Variants in SLIT1 observed in about 807,000 individuals in gnomAD.
SLIT1 encodes slit guidance ligand 1.
In SLIT1, 66 loss-of-function variants were observed where a neutral mutation model predicts 186.1. That is an observed-to-expected ratio of 0.35 (90% CI 0.29 to 0.44). The LOEUF (loss-of-function observed/expected upper bound fraction) is 0.44. Ranked by LOEUF, SLIT1 falls within the 20% of genes least tolerant of loss-of-function variation. The pLI is 1.00. For missense variants in SLIT1, 1,638 were observed against 2,037.4 expected, an observed-to-expected ratio of 0.80 and a Z score of 3.77; for synonymous variants, 761 against 833.8, an observed-to-expected ratio of 0.91 and a Z score of 1.50.
intron 25 of SLIT1, among the ~76,000 whole-genome samples, chr10:97,027,221 G>A (rs370569027): frequency 3.3e-5 from 5 of 152,284 alleles, no homozygotes; most frequent in African/African-American, 7.2e-5. Context: ...CACGAAGCCC[G>A]GAGTGAATGT....
intron 30 of SLIT1, 91 bp downstream of exon 30, chr10:97,013,650 G>A: frequency 1.1e-6 from 1 of 900,080 alleles, no homozygotes. Flanking sequence ...ACAAATGAGG[G>A]AATGAGGGTG....
intron 12 of SLIT1, 103 bp downstream of exon 12, chr10:97,057,103 CAATT>C: frequency 2.5e-6 from 2 of 806,990 alleles, no homozygotes; most frequent in Non-Finnish European, 4.1e-6. Context: ...CTCATTGTCT[CAATT>C]GAGTCCCATA....
At chr10:97,001,561 A>C (rs1589358603) in intron 36 of SLIT1, among the ~76,000 whole-genome samples, 1 of 152,024 alleles carries the variant, frequency 6.6e-6, no homozygotes, top group Admixed American at 6.5e-5. Context: ...TCCTAGCGTC[A>C]GGGCCCTCCA....
At chr10:97,161,757 A>G (rs1850029703) in intron 3 of SLIT1, among the ~76,000 whole-genome samples, 1 of 152,200 alleles carries the variant, frequency 6.6e-6, no homozygotes, top group Non-Finnish European at 1.5e-5. Context: ...CAGCCTGGGC[A>G]ACAAGAGTGA....
At chr10:97,128,067 GC>G (rs1423150085) in intron 4 of SLIT1, among the ~76,000 whole-genome samples, 1 of 152,054 alleles carries the variant, frequency 6.6e-6, no homozygotes, top group Non-Finnish European at 1.5e-5. Flanking sequence ...GCACCACCGA[GC>G]CCCCTGCTCT....
chr10:97,127,096 C>G (rs1849609614), intron 4 of SLIT1, among the ~76,000 whole-genome samples: 1 of 151,606 alleles, frequency 6.6e-6, no homozygotes, highest in Admixed American at 6.6e-5. Context: ...CGAGACCATC[C>G]TGGCTAACAT....
Position 97,086,826 on chromosome 10 carries a change from T to C in SLIT1, c.414-20740A>G, listed in dbSNP as rs114887951. Among the ~76,000 whole-genome samples the C allele has an allele frequency of 3.6e-3, 552 of 152,156 alleles. 4 individuals carry two copies. The highest frequency in any genetic ancestry group is 0.013 in the African/African-American group (521 of 41,490). ...ACCACTCTGTGTGATACTACAACAGTGTATCCATGTCATTAGACATTTGTC... is the reference window on the plus strand; with the variant it reads ...ACCACTCTGTGTGATACTACAACAGCGTATCCATGTCATTAGACATTTGTC... On this transcript the variant is annotated intron_variant, in intron 4 of 36. Coordinates refer to ENST00000266058, the MANE Select transcript of SLIT1 (RefSeq NM_003061.3).
chr10:97,062,708 G>C (rs971174688), intron 8 of SLIT1, among the ~76,000 whole-genome samples: 3 of 152,214 alleles, frequency 2.0e-5, no homozygotes, highest in Non-Finnish European at 4.4e-5. Context: ...ACAGCTGGGG[G>C]AGCTGCAGGC....
intron 4 of SLIT1, among the ~76,000 whole-genome samples, chr10:97,142,611 A>G (rs985502103): frequency 2.0e-5 from 3 of 152,252 alleles, no homozygotes; most frequent in Admixed American, 1.3e-4. Flanking sequence ...AAAGCAAAAT[A>G]GACAAATGAG....
At chr10:97,076,660 T>C (rs1458614093) in intron 4 of SLIT1, among the ~76,000 whole-genome samples, 1 of 152,204 alleles carries the variant, frequency 6.6e-6, no homozygotes. Context: ...CTGGAGAGCA[T>C]TCGATGATAA....
chr10:97,144,754 C>T (rs1006499161), intron 4 of SLIT1, among the ~76,000 whole-genome samples: 1 of 152,190 alleles, frequency 6.6e-6, no homozygotes, highest in African/African-American at 2.4e-5. Flanking sequence ...ACTTCTAGGA[C>T]AGCAAATTGT....
chr10:97,090,175 C>T (rs1164783287), intron 4 of SLIT1, among the ~76,000 whole-genome samples: 3 of 152,134 alleles, frequency 2.0e-5, no homozygotes, highest in Non-Finnish European at 4.4e-5. Flanking sequence ...AAAAACCACC[C>T]ACATGATTTC....
At chr10:97,060,355 G>C (rs1407302059) in intron 9 of SLIT1, among the ~76,000 whole-genome samples, 197 bp from the exon 10 acceptor site, 1 of 152,242 alleles carries the variant, frequency 6.6e-6, no homozygotes, top group Non-Finnish European at 1.5e-5. Flanking sequence ...CATTATCACA[G>C]GCATTTGTAG....
intron 1 of SLIT1, among the ~76,000 whole-genome samples, chr10:97,179,884 G>A (rs1359588671): frequency 6.6e-6 from 1 of 150,980 alleles, no homozygotes; most frequent in African/African-American, 2.4e-5. Flanking sequence ...TATTTGTATG[G>A]CGATAATTAC....
chr10:97,158,762 C>T lies in SLIT1; in HGVS notation c.342-873G>A, dbSNP rs546826970. Among the ~76,000 whole-genome samples, 5 of 151,786 alleles carry T rather than the reference C, an allele frequency of 3.3e-5. No homozygotes were observed. In the East Asian group the frequency reaches 7.7e-4, roughly 23 times the overall value. On this transcript the variant is annotated intron_variant, in intron 3 of 36. Transcript: ENST00000266058. Reference sequence around the variant, plus strand: ...AGGCATGATGGCATGCACCTGTAATCCCAGCAACTCGGGAGGCTGAGGTGG... The same window carrying T: ...AGGCATGATGGCATGCACCTGTAATTCCAGCAACTCGGGAGGCTGAGGTGG...
Position 97,021,155 on chromosome 10 carries a change from G to A in SLIT1, c.2746+95C>T. On this transcript the variant is annotated intron_variant, in intron 26 of 36. Coordinates refer to ENST00000266058, the MANE Select transcript of SLIT1 (RefSeq NM_003061.3). The surrounding 1 kb of genome is among the most constrained non-coding windows in gnomAD (Gnocchi z 4.5). ...CTGTCCCCTGACCCCCCGCCCAGCG[G>A]TCACCACAGGGACGCAGGCATGTTA... 7.8e-7 allele frequency: 1 copy of A among 1,276,578 alleles called. No individual in the cohort carries two copies. Among genetic ancestry groups the A allele is most frequent in the South Asian group, 1.5e-5 (1 of 66,318 alleles). 79.1% of individuals were successfully genotyped at this position (1,276,578 alleles called of 1,614,324 possible). A position where few individuals can be genotyped will look rare whatever the true frequency, so the allele number is the denominator to read the frequency against.
intron 2 of SLIT1, among the ~76,000 whole-genome samples, chr10:97,163,911 CA>C (rs1216336014): frequency 3.9e-5 from 6 of 152,228 alleles, no homozygotes; most frequent in African/African-American, 1.4e-4. Context: ...CGGCCAGTAT[CA>C]GGGGGAGGGG....
intron 4 of SLIT1, among the ~76,000 whole-genome samples, chr10:97,146,521 T>C (rs1414801203): frequency 6.6e-6 from 1 of 152,074 alleles, no homozygotes; most frequent in African/African-American, 2.4e-5. Flanking sequence ...GGGGCCTTCT[T>C]TAGGGCTCTG....
At chr10:97,054,240 T>C (rs181982774) in intron 13 of SLIT1, among the ~76,000 whole-genome samples, 200 of 152,034 alleles carry the variant, frequency 1.3e-3, no homozygotes, top group Admixed American at 0.013. Flanking sequence ...GATCTGATTA[T>C]TTAAAAGAGC....
Sources: gnomAD v4.1 joint callset for allele counts (sites outside exome capture counted in the v4.1 genomes callset) on GRCh38, gnomAD v4.1.1 for gene constraint, Gnocchi (gnomAD v3.1) non-coding constraint, MANE v1.5 for transcripts, NCBI Gene and HGNC (gene_info 2026-07-23, HGNC 2026-07-21) for gene names.